Variants in HOXD3 observed in about 807,000 individuals in gnomAD.
HOXD3 encodes the protein homeobox D3.
In HOXD3, 13 loss-of-function variants were observed where a neutral mutation model predicts 32.8. The ratio of observed to expected loss-of-function variants is 0.40; its 90% CI spans 0.26 to 0.63. The LOEUF (loss-of-function observed/expected upper bound fraction) is 0.63, where lower values mean the gene tolerates loss of function less well. Among genes scored for constraint, HOXD3 ranks in the 20% least tolerant of loss-of-function variants. The pLI is 0.44. For missense variants in HOXD3, 504 were observed against 577.1 expected (o/e 0.87, Z 1.30); for synonymous variants, 241 against 246.8 (o/e 0.98, Z 0.22).
chr2:176,169,646 G>A lies in HOXD3; in HGVS notation c.532G>A (p.Ala178Thr), dbSNP rs1241840551. Reference protein sequence around the residue: ...RQNSKQKNSCATAGESCEDKS... With the variant: ...RQNSKQKNSCTTAGESCEDKS... ...GAACTCCAAGCAGAAGAACAGCTGT[G>A]CCACTGCAGGTAGCTCCCTGAGGTG... is the stretch of plus-strand genomic sequence containing the variant. The change falls in exon 3 of 4, where the codon GCC (alanine) becomes ACC (threonine). Residue 178 changes from alanine to threonine, a missense_variant. By Grantham distance (58) the Ala-to-Thr change is moderately conservative. Transcript: ENST00000683222. The A allele has an allele frequency of 1.3e-6, 2 of 1,594,938 alleles. No homozygotes were observed. Among genetic ancestry groups the A allele is most frequent in the African/African-American group, 2.7e-5 (2 of 74,640 alleles).
In HOXD3 at chr2:176,172,364, C is replaced by A; in HGVS notation, c.*90C>A. On this transcript the variant is annotated 3_prime_UTR_variant, in exon 4 of 4. Coordinates refer to ENST00000683222, the MANE Select transcript of HOXD3 (RefSeq NM_006898.5). Reference sequence around the variant, plus strand: ...TGGGGCCCGCGGGGCAGTTCGGGAACCCCCTTCCCCGCTCTTGCCCTGCCG... The same window carrying A: ...TGGGGCCCGCGGGGCAGTTCGGGAAACCCCTTCCCCGCTCTTGCCCTGCCG... 7.8e-7 allele frequency: 1 copy of A among 1,287,304 alleles called. No individual in the cohort carries two copies. The highest frequency in any genetic ancestry group is 1.0e-6 in the Non-Finnish European group (1 of 955,396). The allele number at this position is 1,287,304 out of a possible 1,614,324, so 79.7% of individuals were successfully genotyped here.
intron 1 of HOXD3, among the ~76,000 whole-genome samples, chr2:176,160,623 A>T (rs2105434490): frequency 6.6e-6 from 1 of 152,170 alleles, no homozygotes; most frequent in African/African-American, 2.4e-5. Flanking sequence ...ATATGCTTGC[A>T]TTTGAAGGCA....
At position 176,172,060 on chromosome 2, in the gene HOXD3, T is replaced by G; in HGVS notation, c.1085T>G (p.Phe362Cys). ...AGCCCGGTGTACGTGGGCGGCAACT[T>G]CGTCGAGTCCATGGCGCCCGCGTCC... ...QGSPVYVGGN[F>C]VESMAPASGP... Residue 362 changes from phenylalanine (F) to cysteine (C), a missense_variant, in exon 4 of 4, where the codon TTC becomes TGC. Physicochemically the swap from Phe to Cys is radical, Grantham distance 205. Around this residue, in one of 3 missense-constraint regions of HOXD3, gnomAD observed 226 missense variants for 246.9 expected, o/e 0.92. Transcript: ENST00000683222. The G allele has an allele frequency of 6.2e-7, 1 of 1,609,872 alleles. No homozygotes were observed. The highest frequency in any genetic ancestry group is 8.5e-7 in the Non-Finnish European group (1 of 1,179,274).
intron 3 of HOXD3, 44 bp downstream of exon 3, chr2:176,169,699 G>T (rs749026011): frequency 6.5e-7 from 1 of 1,533,524 alleles, no homozygotes; most frequent in Non-Finnish European, 8.8e-7. Context: ...GCCCCCTCCA[G>T]ATTGACCCAA....
intron 3 of HOXD3, among the ~76,000 whole-genome samples, chr2:176,170,146 T>C (rs1691125244): frequency 6.6e-6 from 1 of 152,226 alleles, no homozygotes; most frequent in Non-Finnish European, 1.5e-5. Context: ...GGTAGGTATA[T>C]GATAACATCC....
chr2:176,172,157 G>T lies in HOXD3; in HGVS notation c.1182G>T (p.Gln394His), dbSNP rs368978061. The part of the protein sequence containing the change: ...SASVDYSCAA[Q>H]IPGNHHHGPC... ...GCGTGGACTACAGTTGCGCCGCGCA[G>T]ATTCCAGGCAACCACCACCATGGAC... Residue 394 changes from glutamine (Q) to histidine (H), a missense_variant, in exon 4 of 4, where the codon CAG becomes CAT. By Grantham distance (24) the Gln-to-His change is conservative. Around this residue, in one of 3 missense-constraint regions of HOXD3, gnomAD observed 226 missense variants for 246.9 expected, o/e 0.92. Transcript: ENST00000683222. 7.4e-6 allele frequency: 12 copies of T among 1,613,136 alleles called. No homozygotes were observed. Among genetic ancestry groups the T allele is most frequent in the Non-Finnish European group, 1.0e-5 (12 of 1,180,012 alleles).
At chr2:176,166,155 A>G (rs138542037) in intron 2 of HOXD3, among the ~76,000 whole-genome samples, 2 of 152,244 alleles carry the variant, frequency 1.3e-5, no homozygotes, top group Admixed American at 1.3e-4. Flanking sequence ...CAATGTAAAC[A>G]GTTAGGAAAA....
chr2:176,169,432 G>T lies in HOXD3; in HGVS notation c.318G>T (p.Gln106His). Residue 106 changes from glutamine to histidine, a missense_variant, in exon 3 of 4, where the codon CAG (glutamine) becomes CAT (histidine). Transcript: ENST00000683222. ...GNSQGGGGGS[Q>H]PPGLNSEQQP... ...GCCAGGGTGGGGGTGGTGGCAGCCA[G>T]CCTCCTGGTCTGAACTCAGAGCAGC... 1 of 1,613,546 alleles carries T rather than the reference G, an allele frequency of 6.2e-7. No individual in the cohort carries two copies. Among genetic ancestry groups the T allele is most frequent in the Non-Finnish European group, 8.5e-7 (1 of 1,179,794 alleles).
upstream of HOXD3, among the ~76,000 whole-genome samples, chr2:176,153,701 G>A (rs1465230228): frequency 3.3e-5 from 5 of 152,152 alleles, no homozygotes; most frequent in African/African-American, 1.2e-4. Flanking sequence ...CTCTGGAAAT[G>A]TATATAGGGG....
chr2:176,157,837 G>A (rs905768302), intron 1 of HOXD3, among the ~76,000 whole-genome samples: 3 of 152,042 alleles, frequency 2.0e-5, no homozygotes, highest in Non-Finnish European at 4.4e-5. Context: ...CCCGGCTGGC[G>A]GACGCGCCTG....
In HOXD3 at chr2:176,161,574, G is replaced by T. The variant is rs1320602421; in HGVS notation, c.-180-2499G>T. Among the ~76,000 whole-genome samples, 3 of 152,254 alleles carry T rather than the reference G, an allele frequency of 2.0e-5. No individual in the cohort carries two copies. The East Asian group carries it at 5.8e-4, about 29-fold the overall frequency. ...ATTTATATGTATTTAAAATAAACTC[G>T]GTGGTCAGCCAGCTCCCTGCATTGT... On this transcript the variant is annotated intron_variant, in intron 1 of 3. Transcript: ENST00000683222.
rs1054459422 is a variant in HOXD3 at position 176,157,402 on chromosome 2, C to T, written c.-231C>T. Reference sequence around the variant, plus strand: ...ACCCGTCCAGGGGGGCCGCGCGGTGCCCCCGGCCCTCCACCCCCGGCCCCC... The same window carrying T: ...ACCCGTCCAGGGGGGCCGCGCGGTGTCCCCGGCCCTCCACCCCCGGCCCCC... On this transcript the variant is annotated 5_prime_UTR_variant, in exon 1 of 4. Transcript: ENST00000683222. 5.9e-5 allele frequency among the ~76,000 whole-genome samples: 9 copies of T among 152,100 alleles called. No homozygotes were observed. The highest frequency in any genetic ancestry group is 9.7e-5 in the African/African-American group (4 of 41,428).
At chr2:176,160,433 G>T (rs1690764397) in intron 1 of HOXD3, among the ~76,000 whole-genome samples, 1 of 152,166 alleles carries the variant, frequency 6.6e-6, no homozygotes, top group Admixed American at 6.5e-5. Context: ...CCGGAGCTGC[G>T]AAAATGTGTT....
In HOXD3 at chr2:176,172,278, C is replaced by T; in HGVS notation, c.*4C>T. 1.3e-6 allele frequency: 2 copies of T among 1,584,222 alleles called. No homozygotes were observed. Among genetic ancestry groups the T allele is most frequent in the Non-Finnish European group, 1.7e-6 (2 of 1,168,658 alleles). ...TCCCAAACTGACGCATCTGTAGCGG[C>T]CGCCGCCAGCCCGAACTCGCGGCAA... On this transcript the variant is annotated 3_prime_UTR_variant, in exon 4 of 4. Coordinates refer to ENST00000683222, the MANE Select transcript of HOXD3 (RefSeq NM_006898.5).
At chr2:176,152,782 A>AGAACCG (rs765208462), upstream of HOXD3, 1 of 1,614,250 alleles carries the variant, frequency 6.2e-7, no homozygotes, top group South Asian at 1.1e-5. This position sits in a 1 kb window ranked among gnomAD's most constrained non-coding sequence, Gnocchi z 5.2. Flanking sequence ...ATCTGGTTCC[A>AGAACCG]GAACCGGAGG....
chr2:176,158,586 GTGTT>G (rs1690701681), intron 1 of HOXD3, among the ~76,000 whole-genome samples: 2 of 152,190 alleles, frequency 1.3e-5, no homozygotes, highest in Admixed American at 1.3e-4. Flanking sequence ...GTGTGCGTGT[GTGTT>G]TGTGTGTGTG....
At chr2:176,155,063 T>G (rs1690617057), upstream of HOXD3, among the ~76,000 whole-genome samples, 1 of 152,216 alleles carries the variant, frequency 6.6e-6, no homozygotes, top group African/African-American at 2.4e-5. Context: ...GGACTCTAAC[T>G]ACCCTTCTCT....
At chr2:176,155,051 T>C (rs1320840167), upstream of HOXD3, among the ~76,000 whole-genome samples, 11 of 152,152 alleles carry the variant, frequency 7.2e-5, no homozygotes, top group Non-Finnish European at 7.4e-5. Context: ...CCCTAACCTT[T>C]TGGACTCTAA....
chr2:176,168,563 A>G, intron 2 of HOXD3, among the ~76,000 whole-genome samples: 1 of 124,240 alleles, frequency 8.0e-6, no homozygotes, highest in East Asian at 2.7e-4. Flanking sequence ...GCAAAATTCC[A>G]TCTAAAACAA....
Sources: allele counts gnomAD v4.1 joint callset (sites outside exome capture counted in the v4.1 genomes callset), GRCh38; gene constraint gnomAD v4.1.1; regional missense constraint gnomAD v4.1.1; non-coding constraint Gnocchi (gnomAD v3.1); transcripts MANE v1.5; gene names NCBI Gene and HGNC (gene_info 2026-07-23, HGNC 2026-07-21).